ZNF77: variants seen among roughly 807,000 people sequenced by gnomAD.
ZNF77 encodes ZNFpT1.
Under a neutral mutation model 13.5 loss-of-function variants are expected in ZNF77, and 15 were observed. That is an observed-to-expected ratio of 1.11 (90% CI 0.74 to 1.71). The LOEUF (loss-of-function observed/expected upper bound fraction) is 1.71. ZNF77 is among the 40% of genes most tolerant of loss of function. The pLI, the probability that ZNF77 is intolerant of heterozygous loss-of-function variation, is 0.00. For missense variants in ZNF77, 717 were observed against 676.4 expected (o/e 1.06, Z -0.67); for synonymous variants, 282 against 250.0 (o/e 1.13, Z -1.21).
rs773686739 is a variant in ZNF77, at chr19:2,933,588, C to T, written c.1539G>A (p.Thr513=). 27 of 1,613,424 alleles carry T rather than the reference C, an allele frequency of 1.7e-5. No homozygotes were observed. In the Admixed American group the frequency reaches 2.7e-4, roughly 16 times the overall value. ...ATTCATACGGTCTCTCTCCAGTGTGCGTTCTCACGTGCACACGAAGGGACG... is the reference window on the plus strand; with the variant it reads ...ATTCATACGGTCTCTCTCCAGTGTGTGTTCTCACGTGCACACGAAGGGACG... ...CSSSLRVHVR[T]HTGERPYECK... is the part of the protein sequence containing the mutation. Residue 513 remains threonine (T), a synonymous_variant, in exon 4 of 4, where the codon ACG becomes ACA. Coordinates refer to ENST00000314531, the MANE Select transcript of ZNF77 (RefSeq NM_021217.3).
chr19:2,942,129 T>G (rs1325446788), intron 1 of ZNF77, among the ~76,000 whole-genome samples: 1 of 151,378 alleles, frequency 6.6e-6, no homozygotes, highest in Non-Finnish European at 1.5e-5. Context: ...TGGAGTGCAG[T>G]GAAACAATCT....
At chr19:2,934,889 T>C in intron 3 of ZNF77, 74 bp from the exon 4 acceptor site, 7 of 1,501,972 alleles carry the variant, frequency 4.7e-6, no homozygotes, top group South Asian at 1.4e-5. Flanking sequence ...TTTTTAGTGA[T>C]TATTTTGATT....
At chr19:2,938,690 C>T (rs1172968090) in intron 2 of ZNF77, among the ~76,000 whole-genome samples, 3 of 152,196 alleles carry the variant, frequency 2.0e-5, no homozygotes, top group East Asian at 1.9e-4. Flanking sequence ...GGCGCGGTGG[C>T]TCACGCCTGT....
In ZNF77 at chr19:2,934,056, G is replaced by A. The variant is rs17854297; in HGVS notation, c.1071C>T (p.Cys357=). The A allele has an allele frequency of 2.9e-4, 461 of 1,613,904 alleles. 1 individual carries two copies. In the East Asian group the frequency reaches 8.1e-3, roughly 28 times the overall value. The change falls in exon 4 of 4, where the codon TGC becomes TGT. Residue 357 remains cysteine, a synonymous_variant. Transcript: ENST00000314531. ...AGGAGGGGTACCTGAAGGCTTTGCC[G>A]CATTCCTTACATTCATAGGGTTTCT... is the stretch of plus-strand genomic sequence containing the variant. ...SGEKPYECKE[C]GKAFRYPSSL...
intron 1 of ZNF77, among the ~76,000 whole-genome samples, chr19:2,944,190 C>T (rs1174305766): frequency 2.7e-5 from 4 of 149,076 alleles, no homozygotes; most frequent in Non-Finnish European, 4.5e-5. Flanking sequence ...TACTGTCCCC[C>T]CAAACTTCCC....
Position 2,936,589 on chromosome 19 carries a change from A to G in ZNF77, c.246T>C (p.Ile82=). 1 of 1,611,048 alleles carries G rather than the reference A, an allele frequency of 6.2e-7. No homozygotes were observed. Among genetic ancestry groups the G allele is most frequent in the Non-Finnish European group, 8.5e-7 (1 of 1,179,250 alleles). ...TATCAAATCTCCAATTTTCTCCAAA[A>G]ATAGACCAGGAATCACTTCCTGTGA... ...VKFTGSDSWS[I]FGENWRFDNT... is the part of the protein sequence containing the mutation. The change falls in exon 3 of 4, where the codon ATT becomes ATC. Residue 82 remains isoleucine, a synonymous_variant. Coordinates refer to ENST00000314531, the MANE Select transcript of ZNF77 (RefSeq NM_021217.3).
At position 2,933,671 on chromosome 19, in the gene ZNF77, G is replaced by A; in HGVS notation, c.1456C>T (p.His486Tyr). ...CATTCGTAGGGTTTGACCCCACTGT[G>A]TGATCTCACATGCTTTTGAAAGTAC... ...AQYFQKHVRS[H>Y]SGVKPYECTE... The change falls in exon 4 of 4, where the codon CAC (histidine) becomes TAC (tyrosine). Residue 486 changes from histidine (H) to tyrosine (Y), a missense_variant. Transcript: ENST00000314531. 1 of 1,613,122 alleles carries A rather than the reference G, an allele frequency of 6.2e-7. No homozygotes were observed. Among genetic ancestry groups the A allele is most frequent in the Middle Eastern group, 1.7e-4 (1 of 6,060 alleles).
intron 1 of ZNF77, 162 bp from the exon 2 acceptor site, chr19:2,939,569 G>C (rs2088431702): frequency 2.1e-6 from 2 of 938,078 alleles, no homozygotes; most frequent in Non-Finnish European, 3.2e-6. Flanking sequence ...TCAATGCCGT[G>C]AGTACCTTCC....
intron 1 of ZNF77, among the ~76,000 whole-genome samples, chr19:2,944,157 C>T (rs994148540): frequency 6.6e-6 from 1 of 150,612 alleles, no homozygotes; most frequent in Non-Finnish European, 1.5e-5. Flanking sequence ...TCCCCCAACA[C>T]ATCCCTCGAG....
chr19:2,938,679 G>A (rs563310529), intron 2 of ZNF77, among the ~76,000 whole-genome samples: 36 of 152,272 alleles, frequency 2.4e-4, no homozygotes, highest in East Asian at 1.2e-3. Context: ...ATCTTAGGCC[G>A]GGCGCGGTGG....
At chr19:2,935,317 C>A (rs1469148961) in intron 3 of ZNF77, among the ~76,000 whole-genome samples, 1 of 106,102 alleles carries the variant, frequency 9.4e-6, no homozygotes, top group Non-Finnish European at 1.9e-5. Flanking sequence ...CACACCCAGC[C>A]TTTTTTTTTT....
At chr19:2,942,393 CAG>C (rs1372694001) in intron 1 of ZNF77, among the ~76,000 whole-genome samples, 1 of 115,438 alleles carries the variant, frequency 8.7e-6, no homozygotes, top group Non-Finnish European at 1.8e-5. Context: ...TTTTTTTTTC[CAG>C]ACAGGGTCTA....
intron 1 of ZNF77, among the ~76,000 whole-genome samples, chr19:2,940,678 G>GAAAAAAA (rs71179936): frequency 8.7e-6 from 1 of 114,614 alleles, no homozygotes; most frequent in African/African-American, 3.4e-5. Context: ...TCACAAAAAA[G>GAAAAAAA]AAAAAAAAAA....
chr19:2,943,113 C>T (rs1278126741), intron 1 of ZNF77, among the ~76,000 whole-genome samples: 1 of 152,064 alleles, frequency 6.6e-6, no homozygotes, highest in Non-Finnish European at 1.5e-5. Context: ...GCATACTTGA[C>T]GGTCACAGAG....
intron 3 of ZNF77, among the ~76,000 whole-genome samples, chr19:2,935,496 AT>A (rs58809442): frequency 1.7e-4 from 24 of 138,266 alleles, no homozygotes; most frequent in South Asian, 1.4e-3. Context: ...TCTTTTTCGT[AT>A]TTTTTTTTTT....
At chr19:2,940,026 T>C (rs1395352982) in intron 1 of ZNF77, among the ~76,000 whole-genome samples, 1 of 152,016 alleles carries the variant, frequency 6.6e-6, no homozygotes, top group African/African-American at 2.4e-5. Flanking sequence ...GAAATTGACA[T>C]GACTTGCTCA....
intron 1 of ZNF77, among the ~76,000 whole-genome samples, chr19:2,943,823 T>C (rs574903112): frequency 2.0e-5 from 3 of 150,714 alleles, no homozygotes; most frequent in South Asian, 2.1e-4. Context: ...CATTCTCCTG[T>C]CTCAGCCTCC....
rs2088360033 is a variant in ZNF77, at chr19:2,933,373, G to A, written c.*116C>T. The A allele has an allele frequency of 7.8e-7, 1 of 1,286,546 alleles. No homozygotes were observed. The highest frequency in any genetic ancestry group is 2.6e-5 in the Admixed American group (1 of 38,818). The allele number at this position is 1,286,546 out of a possible 1,614,324, so 79.7% of individuals were successfully genotyped here. A position where few individuals can be genotyped will look rare whatever the true frequency, so the allele number is the denominator to read the frequency against. ...TTTCTCTCCTACTCTGAATTTTTAGGTACAAAATAAGTGCTATACCAGGTT... is the reference window on the plus strand; with the variant it reads ...TTTCTCTCCTACTCTGAATTTTTAGATACAAAATAAGTGCTATACCAGGTT... On this transcript the variant is annotated 3_prime_UTR_variant, in exon 4 of 4. Coordinates refer to ENST00000314531, the MANE Select transcript of ZNF77 (RefSeq NM_021217.3).
intron 1 of ZNF77, among the ~76,000 whole-genome samples, chr19:2,941,897 G>C (rs931295020): frequency 6.6e-6 from 1 of 152,014 alleles, no homozygotes; most frequent in African/African-American, 2.4e-5. Context: ...CTGTGTGTGC[G>C]CCTTTCCCCT....
Sources: allele counts gnomAD v4.1 joint callset (sites outside exome capture counted in the v4.1 genomes callset), GRCh38; gene constraint gnomAD v4.1.1; transcripts MANE v1.5; gene names NCBI Gene and HGNC (gene_info 2026-07-23, HGNC 2026-07-21).